Variants in KIF20B observed in about 807,000 individuals in gnomAD.
KIF20B encodes kinesin-like protein KIF20B.
In KIF20B, 188 loss-of-function variants were observed where a neutral mutation model predicts 232.5. That is an observed-to-expected ratio of 0.81 (90% CI 0.72 to 0.91). The LOEUF is 0.91. Ranked by LOEUF, KIF20B falls within the 40% of genes least tolerant of loss-of-function variation. The probability of loss-of-function intolerance (pLI) is 0.00; values close to 1 mark genes in which losing one functional copy is unlikely to be tolerated. For synonymous variants in KIF20B, 712 were observed against 683.0 expected (o/e 1.04, Z -0.66); for missense variants, 2,154 against 2,055.9 (o/e 1.05, Z -0.92).
At chr10:89,723,181 C>G (rs970295094) in intron 13 of KIF20B, among the ~76,000 whole-genome samples, 8 of 152,102 alleles carry the variant, frequency 5.3e-5, no homozygotes, top group African/African-American at 1.9e-4. Flanking sequence ...GAACTATTTT[C>G]AAATATAAAG....
chr10:89,704,326 A>T (rs1842677824), intron 1 of KIF20B, among the ~76,000 whole-genome samples: 1 of 152,128 alleles, frequency 6.6e-6, no homozygotes, highest in Admixed American at 6.5e-5. Flanking sequence ...CATCTAGTAG[A>T]TTCTCAGTAA....
At chr10:89,745,442 G>A (rs761559187) in intron 22 of KIF20B, among the ~76,000 whole-genome samples, 61 of 152,288 alleles carry the variant, frequency 4.0e-4, no homozygotes, top group Non-Finnish European at 7.5e-4. Context: ...AGAATCGCTT[G>A]AACCCAGGAG....
At chr10:89,708,793 A>T (rs1842779547) in intron 2 of KIF20B, among the ~76,000 whole-genome samples, 1 of 152,214 alleles carries the variant, frequency 6.6e-6, no homozygotes, top group East Asian at 1.9e-4. Flanking sequence ...TAGTAAAAAA[A>T]TTCTGAATAC....
rs187783613 is a variant in KIF20B at position 89,738,566 on chromosome 10, T to C, written c.3725T>C (p.Leu1242Ser). The change falls in exon 20 of 33, where the codon TTA (leucine) becomes TCA (serine). Residue 1242 changes from leucine to serine, a missense_variant. Leu to Ser is a moderately radical substitution (Grantham distance 145). Coordinates refer to ENST00000371728, the MANE Select transcript of KIF20B (RefSeq NM_001284259.2). ...AATAATTTGCAAGATATGAAACATT[T>C]ACTTCAATTAAAAGAAGAAGAAGAA... Reference protein sequence around the residue: ...LTNNLQDMKHLLQLKEEEEET... With the variant: ...LTNNLQDMKHSLQLKEEEEET... The C allele has an allele frequency of 2.0e-4, 310 of 1,569,126 alleles. No individual in the cohort carries two copies. The highest frequency in any genetic ancestry group is 8.2e-4 in the Admixed American group (40 of 49,036).
At chr10:89,752,216 G>A (rs1842034630) in intron 24 of KIF20B, among the ~76,000 whole-genome samples, 1 of 151,986 alleles carries the variant, frequency 6.6e-6, no homozygotes, top group Non-Finnish European at 1.5e-5. Context: ...TGAGGATGAG[G>A]ACAGTGAGTC....
chr10:89,762,891 A>ATACT, intron 29 of KIF20B, 56 bp downstream of exon 29: 1 of 1,325,656 alleles, frequency 7.5e-7, no homozygotes, highest in Non-Finnish European at 1.1e-6. Flanking sequence ...TAAAGCTGTT[A>ATACT]TAGTATAGAG....
At chr10:89,732,636 G>C (rs1843351067) in intron 18 of KIF20B, among the ~76,000 whole-genome samples, 1 of 152,124 alleles carries the variant, frequency 6.6e-6, no homozygotes, top group Non-Finnish European at 1.5e-5. Context: ...AAAATAAATA[G>C]TTGAGTTCAT....
chr10:89,739,310 A>G (rs1048934335), intron 21 of KIF20B, among the ~76,000 whole-genome samples: 3 of 152,166 alleles, frequency 2.0e-5, no homozygotes, highest in Non-Finnish European at 2.9e-5. Flanking sequence ...TACCTTATGA[A>G]AGATTAGTCT....
chr10:89,752,574 A>C lies in KIF20B; in HGVS notation c.4230A>C (p.Glu1410Asp), dbSNP rs1249368634. Residue 1410 changes from glutamate to aspartate, a missense_variant, in exon 25 of 33, where the codon GAA becomes GAC. Transcript: ENST00000371728. ...TTTATGTCTTCAAATCAGAATTGGA[A>C]AAATGGAAGGAAAAATGCAATGATT... ...EEVERLATEL[E>D]KWKEKCNDLE... is the part of the protein sequence containing the mutation. 1.0e-5 allele frequency: 16 copies of C among 1,598,456 alleles called. No individual in the cohort carries two copies. Among genetic ancestry groups the C allele is most frequent in the Admixed American group, 1.7e-5 (1 of 57,570 alleles).
chr10:89,728,028 G>T, intron 17 of KIF20B, 132 bp downstream of exon 17: 1 of 660,778 alleles, frequency 1.5e-6, no homozygotes, highest in Non-Finnish European at 2.2e-6. Flanking sequence ...TGGGGGATTG[G>T]TTTTATTCTG....
intron 11 of KIF20B, 25 bp from the exon 12 acceptor site, chr10:89,718,685 T>A: frequency 3.2e-6 from 5 of 1,582,074 alleles, no homozygotes; most frequent in Non-Finnish European, 4.3e-6. Flanking sequence ...TAACTTACAA[T>A]GTTTTCTGAA....
chr10:89,752,795 G>A, intron 25 of KIF20B, 104 bp downstream of exon 25: 3 of 766,858 alleles, frequency 3.9e-6, no homozygotes, highest in Non-Finnish European at 5.6e-6. Context: ...ACTTAGATAT[G>A]GGTGAAATAA....
intron 23 of KIF20B, among the ~76,000 whole-genome samples, chr10:89,747,021 C>T (rs927794873): frequency 5.9e-5 from 9 of 152,040 alleles, no homozygotes; most frequent in Admixed American, 2.0e-4. Flanking sequence ...GATTTCTGGA[C>T]GAAATTGTGT....
intron 7 of KIF20B, 63 bp from the exon 8 acceptor site, chr10:89,714,892 T>C (rs1842905926): frequency 1.0e-6 from 1 of 980,110 alleles, no homozygotes; most frequent in African/African-American, 1.7e-5. Context: ...ATTTGTACTT[T>C]TGTCACGTTT....
At chr10:89,739,243 G>A (rs1201513507) in intron 21 of KIF20B, 147 bp downstream of exon 21, 2 of 820,340 alleles carry the variant, frequency 2.4e-6, no homozygotes, top group Non-Finnish European at 3.7e-6. Flanking sequence ...TACTTCACGA[G>A]AGAAAATTTA....
At chr10:89,717,095 G>A (rs981854720) in intron 9 of KIF20B, among the ~76,000 whole-genome samples, 2 of 152,172 alleles carry the variant, frequency 1.3e-5, no homozygotes, top group East Asian at 3.8e-4. Flanking sequence ...TGTATTCAGA[G>A]TATTGGCTAG....
At chr10:89,704,097 GTGGGCTTTTGAGCTAAGATCCCTA>G (rs1842672859) in intron 1 of KIF20B, among the ~76,000 whole-genome samples, 1 of 152,144 alleles carries the variant, frequency 6.6e-6, no homozygotes, top group African/African-American at 2.4e-5. Flanking sequence ...CCTTGATCCA[GTGGGCTTTTGAGCTAAGATCCCTA>G]CCAGCTGTGA....
Position 89,768,762 on chromosome 10 carries a change from A to G in KIF20B, c.5116A>G (p.Lys1706Glu), listed in dbSNP as rs754143638. ...QKVAIRPSSK[K>E]TYSLRSQASI... The stretch of plus-strand genomic sequence containing the variant: ...GGTTGCCATACGTCCATCATCTAAG[A>G]AAACATATTCTTTACGGAGTCAGGC... The change falls in exon 31 of 33, where the codon AAA becomes GAA. Residue 1706 changes from lysine to glutamate, a missense_variant. Lys to Glu is a moderately conservative substitution (Grantham distance 56). Coordinates refer to ENST00000371728, the MANE Select transcript of KIF20B (RefSeq NM_001284259.2). 1.6e-5 allele frequency: 25 copies of G among 1,592,322 alleles called. No homozygotes were observed. The highest frequency in any genetic ancestry group is 2.1e-5 in the Non-Finnish European group (25 of 1,173,884).
At chr10:89,706,573 G>A (rs1028934024) in intron 2 of KIF20B, among the ~76,000 whole-genome samples, 1 of 150,874 alleles carries the variant, frequency 6.6e-6, no homozygotes, top group Non-Finnish European at 1.5e-5. Flanking sequence ...CAGTTTTTGT[G>A]TGCAGTTGAT....
Sources: allele counts gnomAD v4.1 joint callset (sites outside exome capture counted in the v4.1 genomes callset), GRCh38; gene constraint gnomAD v4.1.1; transcripts MANE v1.5; gene names NCBI Gene and HGNC (gene_info 2026-07-23, HGNC 2026-07-21).